NYAP2: variants seen among roughly 807,000 people sequenced by gnomAD.
NYAP2 encodes the protein neuronal tyrosine-phosphorylated phosphoinositide-3-kinase adaptor 2.
NYAP2 carries 23 observed loss-of-function variants against 50.4 expected under a neutral mutation model. The ratio of observed to expected loss-of-function variants is 0.46; its 90% confidence interval spans 0.33 to 0.65. The LOEUF (loss-of-function observed/expected upper bound fraction) is 0.65, where lower values mean the gene tolerates loss of function less well. NYAP2 is among the 30% of genes least tolerant of loss of function. The probability of loss-of-function intolerance (pLI) is 0.02; values close to 1 mark genes in which losing one functional copy is unlikely to be tolerated. For synonymous variants in NYAP2, 394 were observed against 365.2 expected (o/e 1.08, Z -0.90); for missense variants, 885 against 861.0 (o/e 1.03, Z -0.35).
the NYAP2 span, among the ~76,000 whole-genome samples, chr2:225,689,016 A>T: frequency 6.6e-6 from 1 of 152,198 alleles, no homozygotes; most frequent in Admixed American, 6.5e-5. Flanking sequence ...TGCTGGGATT[A>T]CAGGTGTGAG....
chr2:225,615,899 G>A (rs1368456364), intron 5 of NYAP2, among the ~76,000 whole-genome samples: 1 of 152,088 alleles, frequency 6.6e-6, no homozygotes, highest in Non-Finnish European at 1.5e-5. Context: ...GCAGAGCAGG[G>A]GCAATGCTTT....
Position 225,512,794 on chromosome 2 carries a change from C to T in NYAP2, c.222-577C>T, listed in dbSNP as rs115308070. Among the ~76,000 whole-genome samples the T allele has an allele frequency of 5.6e-3, 655 of 117,184 alleles. 3 individuals carry two copies. Among genetic ancestry groups the T allele is most frequent in the Non-Finnish European group, 7.7e-3 (484 of 62,906 alleles). The allele number at this position is 117,184 out of a possible 152,430, so 76.9% of individuals were successfully genotyped here. On this transcript the variant is annotated intron_variant, in intron 3 of 6. Transcript: ENST00000636099. ...TTTTTCTCTTTTTCCCTCTTTCCCT[C>T]CCTCCCTCTCTTTCTTTTCTTTCTT... is the stretch of plus-strand genomic sequence containing the variant.
intron 6 of NYAP2, among the ~76,000 whole-genome samples, chr2:225,648,951 G>A (rs1693683839): frequency 6.6e-6 from 1 of 152,194 alleles, no homozygotes; most frequent in Non-Finnish European, 1.5e-5. Context: ...GAAGCTAAAA[G>A]GACATTGGGT....
At chr2:225,497,337 T>C (rs74498976) in intron 3 of NYAP2, among the ~76,000 whole-genome samples, 46 of 152,344 alleles carry the variant, frequency 3.0e-4, no homozygotes, top group Non-Finnish European at 6.0e-4. Flanking sequence ...CAGTAACTAA[T>C]GCATCCACGC....
At chr2:225,699,844 AGAACTTGTTAGTT>A in the NYAP2 span, 1 of 151,918 alleles carries the variant, frequency 6.6e-6, no homozygotes, top group Non-Finnish European at 1.5e-5. Flanking sequence ...TCTTTTAAGA[AGAACTTGTTAGTT>A]GAATATAAAT....
intron 3 of NYAP2, among the ~76,000 whole-genome samples, chr2:225,467,623 A>G (rs1689941924): frequency 6.6e-6 from 1 of 152,156 alleles, no homozygotes; most frequent in Non-Finnish European, 1.5e-5. Context: ...CTTTCAATCA[A>G]ATTTTTCTAG....
chr2:225,455,016 A>G (rs1689717830), intron 3 of NYAP2, among the ~76,000 whole-genome samples: 1 of 152,128 alleles, frequency 6.6e-6, no homozygotes, highest in Non-Finnish European at 1.5e-5. Flanking sequence ...TACCTGAGCA[A>G]ACTTCACTGG....
At chr2:225,642,061 G>GAC (rs150505610) in intron 6 of NYAP2, among the ~76,000 whole-genome samples, 30,035 of 152,020 alleles carry the variant, frequency 0.2, 3,310 homozygotes, top group African/African-American at 0.29. Flanking sequence ...AAAAGAGACA[G>GAC]ACATGGTTCC....
the NYAP2 span, chr2:225,700,297 G>A: frequency 6.6e-6 from 1 of 150,712 alleles, no homozygotes; most frequent in South Asian, 2.1e-4. Context: ...GTCTGTGAGC[G>A]TGCGTGCATG....
chr2:225,474,238 T>C (rs1690063516), intron 3 of NYAP2, among the ~76,000 whole-genome samples: 1 of 152,188 alleles, frequency 6.6e-6, no homozygotes, highest in Non-Finnish European at 1.5e-5. Context: ...TGAAGTCAGG[T>C]AGCGTGATGC....
chr2:225,666,310 C>A, the NYAP2 span, among the ~76,000 whole-genome samples: 1 of 152,154 alleles, frequency 6.6e-6, no homozygotes. Context: ...TACTTGTTGA[C>A]AAAAAGAGTC....
chr2:225,581,376 C>G (rs538212903), intron 4 of NYAP2, among the ~76,000 whole-genome samples: 1 of 152,162 alleles, frequency 6.6e-6, no homozygotes, highest in African/African-American at 2.4e-5. Context: ...CATCAATTTC[C>G]CCTGAAATAT....
intron 3 of NYAP2, among the ~76,000 whole-genome samples, chr2:225,421,140 G>C (rs1029035721): frequency 6.6e-6 from 1 of 152,036 alleles, no homozygotes; most frequent in South Asian, 2.1e-4. Context: ...TGAAGTCCCA[G>C]GCTCAAGTAA....
intron 3 of NYAP2, among the ~76,000 whole-genome samples, chr2:225,505,971 A>G (rs1172355982): frequency 1.3e-5 from 2 of 151,910 alleles, no homozygotes; most frequent in African/African-American, 4.8e-5. Context: ...ACCTTGAGGC[A>G]TTTGCCAGTT....
chr2:225,494,932 C>T (rs891615376), intron 3 of NYAP2, among the ~76,000 whole-genome samples: 1 of 152,100 alleles, frequency 6.6e-6, no homozygotes, highest in African/African-American at 2.4e-5. Context: ...GTTTCTTACC[C>T]TAGTATATGT....
intron 4 of NYAP2, among the ~76,000 whole-genome samples, chr2:225,540,891 A>T (rs1388546896): frequency 6.6e-6 from 1 of 152,152 alleles, no homozygotes; most frequent in Non-Finnish European, 1.5e-5. Flanking sequence ...TTTACTAATT[A>T]ACACTCCCAC....
the NYAP2 span, chr2:225,699,043 T>A: frequency 6.6e-6 from 1 of 151,944 alleles, no homozygotes; most frequent in Admixed American, 6.6e-5. Flanking sequence ...AGAAGTTGAA[T>A]ATCATATTTG....
chr2:225,700,433 T>G, the NYAP2 span: 1 of 151,632 alleles, frequency 6.6e-6, no homozygotes, highest in South Asian at 2.1e-4. Context: ...GGATCACAAA[T>G]GCAGGAAATT....
intron 4 of NYAP2, among the ~76,000 whole-genome samples, chr2:225,525,803 C>A (rs528764426): frequency 1.3e-5 from 2 of 152,168 alleles, no homozygotes; most frequent in Admixed American, 6.5e-5. Context: ...ATGGAAATAA[C>A]AATACTCACC....
Sources: gnomAD v4.1 joint callset for allele counts (sites outside exome capture counted in the v4.1 genomes callset) on GRCh38, gnomAD v4.1.1 for gene constraint, MANE v1.5 for transcripts, NCBI Gene and HGNC (gene_info 2026-07-23, HGNC 2026-07-21) for gene names.